ACSS3: variants seen among roughly 807,000 people sequenced by gnomAD.
ACSS3 encodes the protein acyl-CoA synthetase short chain family member 3, also known as acyl-CoA synthetase short-chain family member 3, mitochondrial.
ACSS3 carries 64 observed loss-of-function variants against 84.2 expected under a neutral mutation model. The ratio of observed to expected loss-of-function variants is 0.76; its 90% CI spans 0.62 to 0.94. The LOEUF (loss-of-function observed/expected upper bound fraction) is 0.94, where lower values mean the gene tolerates loss of function less well. Among genes scored for constraint, ACSS3 ranks in the 40% least tolerant of loss-of-function variants. ACSS3 has a pLI of 0.00. For missense variants in ACSS3, 815 were observed against 867.6 expected, an observed-to-expected ratio of 0.94 and a Z score of 0.76; for synonymous variants, 317 against 310.1, an observed-to-expected ratio of 1.02 and a Z score of -0.23.
At chr12:81,133,444 T>C (rs1885627972) in intron 2 of ACSS3, among the ~76,000 whole-genome samples, 1 of 152,154 alleles carries the variant, frequency 6.6e-6, no homozygotes, top group Admixed American at 6.6e-5. Flanking sequence ...TTGTTTCTTC[T>C]CCAGGCCCCT....
rs2033527434 is a variant in ACSS3 at position 81,233,366 on chromosome 12, G to A, written c.1614G>A (p.Met538Ile). 4 of 1,610,202 alleles carry A rather than the reference G, an allele frequency of 2.5e-6. No individual in the cohort carries two copies. Among genetic ancestry groups the A allele is most frequent in the South Asian group, 2.2e-5 (2 of 90,920 alleles). The change falls in exon 13 of 16, where the codon ATG (methionine) becomes ATA (isoleucine). Residue 538 changes from methionine to isoleucine, a missense_variant. Coordinates refer to ENST00000548058, the MANE Select transcript of ACSS3 (RefSeq NM_024560.4). ...GTTTTCAGGGATATTATGATACCAT[G>A]GATGCTGGTTACATGGATGAAGAAG... ...FEKFPGYYDT[M>I]DAGYMDEEGY...
chr12:81,152,011 C>G lies in ACSS3; in HGVS notation c.1013C>G (p.Ala338Gly), dbSNP rs766634948. 5.0e-6 allele frequency: 8 copies of G among 1,613,342 alleles called. No individual in the cohort carries two copies. The highest frequency in any genetic ancestry group is 6.8e-6 in the Non-Finnish European group (8 of 1,179,716). ...YGLQPGEVWW[A>G]ASDLGWVVGH... ...TATCTTATTTTTTAGGTGTGGTGGG[C>G]AGCTTCTGACTTAGGCTGGGTTGTT... Residue 338 changes from alanine (A) to glycine (G), a missense_variant, in exon 7 of 16, where the codon GCA becomes GGA. Ala to Gly is a moderately conservative substitution (Grantham distance 60). Coordinates refer to ENST00000548058, the MANE Select transcript of ACSS3 (RefSeq NM_024560.4).
chr12:81,107,024 G>C (rs565672254), intron 1 of ACSS3, among the ~76,000 whole-genome samples: 83 of 152,128 alleles, frequency 5.5e-4, no homozygotes, highest in Non-Finnish European at 9.6e-4. Flanking sequence ...GGAGTGAAAT[G>C]AGTATAATTT....
chr12:81,215,569 G>T (rs1159962964), intron 9 of ACSS3, among the ~76,000 whole-genome samples: 1 of 152,160 alleles, frequency 6.6e-6, no homozygotes, highest in Non-Finnish European at 1.5e-5. Context: ...AACACATTCT[G>T]AGTACTTTAG....
At chr12:81,110,161 G>A (rs58838186) in intron 2 of ACSS3, among the ~76,000 whole-genome samples, 8,027 of 152,236 alleles carry the variant, frequency 0.053, 341 homozygotes, top group African/African-American at 0.11. Context: ...AAAAAATGCT[G>A]TTATTCAGAG....
intron 7 of ACSS3, among the ~76,000 whole-genome samples, chr12:81,153,640 A>G (rs1047357813): frequency 6.6e-6 from 1 of 152,336 alleles, no homozygotes; most frequent in Middle Eastern, 3.4e-3. Context: ...TCTCTCTCAC[A>G]TAAGTGTTCT....
intron 2 of ACSS3, among the ~76,000 whole-genome samples, chr12:81,112,260 G>A (rs190456813): frequency 1.3e-5 from 2 of 152,208 alleles, no homozygotes; most frequent in South Asian, 2.1e-4. Flanking sequence ...ATACAAATAC[G>A]TAAATTTACT....
Position 81,078,141 on chromosome 12 carries a change from G to T in ACSS3, c.21G>T (p.Gln7His). 1 of 1,496,300 alleles carries T rather than the reference G, an allele frequency of 6.7e-7. No individual in the cohort carries two copies. Among genetic ancestry groups the T allele is most frequent in the South Asian group, 1.3e-5 (1 of 77,332 alleles). 92.7% of individuals were successfully genotyped at this position (1,496,300 alleles called of 1,614,324 possible). Residue 7 changes from glutamine to histidine, a missense_variant, in exon 1 of 16, where the codon CAG (glutamine) becomes CAT (histidine). Transcript: ENST00000548058. ...AGGAGATGAAACCGTCTTGGCTGCA[G>T]TGTCGTAAAGTCACCAGCGCCGGGG... MKPSWLQCRKVTSAGGL... is the reference protein window; with the variant it reads MKPSWLHCRKVTSAGGL...
intron 3 of ACSS3, among the ~76,000 whole-genome samples, chr12:81,137,996 TG>T (rs1293323790): frequency 6.6e-6 from 1 of 152,114 alleles, no homozygotes; most frequent in Non-Finnish European, 1.5e-5. Context: ...ACTATGTAAT[TG>T]CACTGAGCCT....
intron 1 of ACSS3, among the ~76,000 whole-genome samples, chr12:81,086,584 A>C (rs1463972025): frequency 6.6e-6 from 1 of 152,190 alleles, no homozygotes; most frequent in African/African-American, 2.4e-5. Flanking sequence ...GTGACTGATC[A>C]ACTACTAGGT....
In ACSS3 at chr12:81,213,793, T is replaced by TCTCTTCTC. The variant is rs1555181604; in HGVS notation, c.1355-3108_1355-3107insCTCTTCTC. Among the ~76,000 whole-genome samples, 57 of 30,860 alleles carry TCTCTTCTC rather than the reference T, an allele frequency of 1.8e-3. 2 individuals are homozygous for TCTCTTCTC. Among genetic ancestry groups the TCTCTTCTC allele is most frequent in the Non-Finnish European group, 3.0e-3 (44 of 14,540 alleles). The allele number at this position is 30,860 out of a possible 152,430, so 20.2% of individuals were successfully genotyped here. ...CTCTTCTCTCCTCCTTCTCTTCTCT[T>TCTCTTCTC]TTCTCTTCTCTTCTCTTCTCTTCTC... is the stretch of plus-strand genomic sequence containing the variant. On this transcript the variant is annotated intron_variant, in intron 9 of 15. Transcript: ENST00000548058.
chr12:81,203,948 A>G lies in ACSS3; in HGVS notation c.1354+4504A>G, dbSNP rs543905744. 2.6e-5 allele frequency among the ~76,000 whole-genome samples: 4 copies of G among 152,326 alleles called. No homozygotes were observed. In the South Asian group the frequency reaches 8.3e-4, roughly 32 times the overall value. ...CATAATTTAAAAAGGGAAAACAAAA[A>G]GATAATGGTTTCATTAAAATATGGT... is the stretch of plus-strand genomic sequence containing the variant. On this transcript the variant is annotated intron_variant, in intron 9 of 15. Transcript: ENST00000548058.
rs573312458 is a variant in ACSS3, at chr12:81,208,408, T to A, written c.1355-8493T>A. On this transcript the variant is annotated intron_variant, in intron 9 of 15. Transcript: ENST00000548058. ...CCTCTTAACCCTCATTCACATCTAGTTTCCTTTAACTTTTGAGTCATATCC... is the reference window on the plus strand; with the variant it reads ...CCTCTTAACCCTCATTCACATCTAGATTCCTTTAACTTTTGAGTCATATCC... Among the ~76,000 whole-genome samples, 10 of 152,238 alleles carry A rather than the reference T, an allele frequency of 6.6e-5. No homozygotes were observed. In the South Asian group the frequency reaches 2.1e-3, roughly 32 times the overall value.
rs2034714697 is a variant in ACSS3 at position 81,259,713 on chromosome 12, A to G, written c.*4791A>G. The G allele has an allele frequency of 6.8e-7, 1 of 1,477,472 alleles. No homozygotes were observed. 91.5% of individuals were successfully genotyped at this position (1,477,472 alleles called of 1,614,324 possible). ...TCACTGAAAAGTCCCAGACTGGGAA[A>G]TCTCATTCTACTCCTCTGTGGTGTA... On this transcript the variant is annotated 3_prime_UTR_variant, in exon 16 of 16. Coordinates refer to ENST00000548058, the MANE Select transcript of ACSS3 (RefSeq NM_024560.4).
intron 7 of ACSS3, among the ~76,000 whole-genome samples, chr12:81,170,501 A>G (rs2029952514): frequency 6.6e-6 from 1 of 152,050 alleles, no homozygotes; most frequent in African/African-American, 2.4e-5. Flanking sequence ...TGGCTTCATC[A>G]TTGTAGACAT....
intron 4 of ACSS3, among the ~76,000 whole-genome samples, chr12:81,142,797 C>T (rs928369943): frequency 6.6e-6 from 1 of 152,038 alleles, no homozygotes; most frequent in Non-Finnish European, 1.5e-5. Context: ...AAACATGAAA[C>T]GTTATTTAAG....
chr12:81,245,431 C>A (rs1025476765), intron 13 of ACSS3, among the ~76,000 whole-genome samples: 1 of 152,174 alleles, frequency 6.6e-6, no homozygotes, highest in Non-Finnish European at 1.5e-5. Context: ...CACTGCACTG[C>A]AGCCTGGGTG....
chr12:81,100,700 A>T (rs1423004791), intron 1 of ACSS3, among the ~76,000 whole-genome samples: 3 of 152,174 alleles, frequency 2.0e-5, no homozygotes, highest in African/African-American at 7.2e-5. Flanking sequence ...CTACAAATTG[A>T]TCTTGGGTTA....
chr12:81,201,123 C>A (rs2032087056), intron 9 of ACSS3, among the ~76,000 whole-genome samples: 1 of 152,018 alleles, frequency 6.6e-6, no homozygotes, highest in South Asian at 2.1e-4. Flanking sequence ...ATTTTGAGAA[C>A]AATCAATGCT....
Sources: gnomAD v4.1 joint callset for allele counts (sites outside exome capture counted in the v4.1 genomes callset) on GRCh38, gnomAD v4.1.1 for gene constraint, MANE v1.5 for transcripts, NCBI Gene and HGNC (gene_info 2026-07-23, HGNC 2026-07-21) for gene names.